Variants in DENND1A observed in about 807,000 individuals in gnomAD.
The protein encoded by DENND1A is DENN domain-containing protein 1A.
In DENND1A, 51 loss-of-function variants were observed where a neutral mutation model predicts 113.7. That is an observed-to-expected ratio of 0.45 (90% CI 0.36 to 0.57). DENND1A has a LOEUF of 0.57. Ranked by LOEUF, DENND1A falls within the 20% of genes least tolerant of loss-of-function variation. The probability of loss-of-function intolerance (pLI) is 0.00; values close to 1 mark genes in which losing one functional copy is unlikely to be tolerated. For missense variants in DENND1A, 1,258 were observed against 1,395.9 expected (o/e 0.90, Z 1.57); for synonymous variants, 565 against 570.8 (o/e 0.99, Z 0.14).
intron 13 of DENND1A, among the ~76,000 whole-genome samples, chr9:123,536,650 G>A (rs1196073457): frequency 6.6e-6 from 1 of 152,066 alleles, no homozygotes; most frequent in Admixed American, 6.5e-5. Flanking sequence ...AATGCTAGGA[G>A]TTCCTAGGAA....
chr9:123,816,170 T>A (rs1015151097), intron 2 of DENND1A, among the ~76,000 whole-genome samples: 3 of 152,008 alleles, frequency 2.0e-5, no homozygotes, highest in Non-Finnish European at 4.4e-5. Context: ...CCAACTAATT[T>A]TTGTATTTTT....
chr9:123,897,710 T>G (rs1196124617), intron 1 of DENND1A, among the ~76,000 whole-genome samples: 1 of 152,120 alleles, frequency 6.6e-6, no homozygotes, highest in East Asian at 1.9e-4. Flanking sequence ...GGCTCACACC[T>G]GTAAACTCAA....
chr9:123,751,287 G>C (rs1489770218), intron 5 of DENND1A: 1 of 152,182 alleles, frequency 6.6e-6, no homozygotes, highest in Non-Finnish European at 1.5e-5. Flanking sequence ...CTTGAGATCA[G>C]AAAGTGCTCC....
At chr9:123,450,928 A>G (rs1246325844) in intron 17 of DENND1A, among the ~76,000 whole-genome samples, 179 bp from the exon 18 acceptor site, 1 of 152,252 alleles carries the variant, frequency 6.6e-6, no homozygotes, top group Admixed American at 6.5e-5. Flanking sequence ...AGGTTAAAAA[A>G]AAACCCTTAA....
At chr9:123,566,301 T>C (rs927653722) in intron 12 of DENND1A, among the ~76,000 whole-genome samples, 4 of 152,260 alleles carry the variant, frequency 2.6e-5, no homozygotes, top group African/African-American at 9.6e-5. Flanking sequence ...TTGACCTCAG[T>C]TGGCTTTAAT....
chr9:123,730,011 G>T (rs1036486384), intron 5 of DENND1A, among the ~76,000 whole-genome samples: 2 of 152,084 alleles, frequency 1.3e-5, no homozygotes, highest in African/African-American at 4.8e-5. Flanking sequence ...AATGGGAAAA[G>T]GATTCCCTAT....
At chr9:123,535,229 C>G (rs562308461) in intron 13 of DENND1A, among the ~76,000 whole-genome samples, 1 of 152,322 alleles carries the variant, frequency 6.6e-6, no homozygotes, top group Non-Finnish European at 1.5e-5. Context: ...TAAGCTGGAT[C>G]ATTCTACCCT....
At chr9:123,564,496 C>T (rs2057939054) in intron 12 of DENND1A, among the ~76,000 whole-genome samples, 1 of 152,266 alleles carries the variant, frequency 6.6e-6, no homozygotes, top group Non-Finnish European at 1.5e-5. Context: ...GCCACCCACA[C>T]TGGGCTCCAG....
At chr9:123,845,325 A>G (rs1842432350) in intron 2 of DENND1A, among the ~76,000 whole-genome samples, 1 of 152,198 alleles carries the variant, frequency 6.6e-6, no homozygotes, top group African/African-American at 2.4e-5. Flanking sequence ...GTTTGAAAGA[A>G]TAAAGTTAGA....
intron 13 of DENND1A, among the ~76,000 whole-genome samples, chr9:123,459,415 TAAAG>T (rs2048369962): frequency 6.6e-6 from 1 of 152,094 alleles, no homozygotes; most frequent in African/African-American, 2.4e-5. Flanking sequence ...TTAAAATAAT[TAAAG>T]AACGGGGATG....
At chr9:123,914,218 T>C (rs1854623853) in intron 1 of DENND1A, among the ~76,000 whole-genome samples, 1 of 151,972 alleles carries the variant, frequency 6.6e-6, no homozygotes, top group African/African-American at 2.4e-5. Context: ...GGTCTGTTCC[T>C]GCCATTGCTA....
intron 19 of DENND1A, among the ~76,000 whole-genome samples, chr9:123,417,564 T>C (rs1202269254): frequency 6.6e-6 from 1 of 152,220 alleles, no homozygotes; most frequent in Non-Finnish European, 1.5e-5. Context: ...TGTGCTATCC[T>C]TGTCAACTAA....
At chr9:123,539,731 A>C (rs1264340215) in intron 13 of DENND1A, among the ~76,000 whole-genome samples, 1 of 152,100 alleles carries the variant, frequency 6.6e-6, no homozygotes, top group Non-Finnish European at 1.5e-5. Context: ...AAAATACAAA[A>C]AATTAGCCGG....
intron 2 of DENND1A, among the ~76,000 whole-genome samples, chr9:123,811,675 C>T (rs886735353): frequency 2.0e-5 from 3 of 152,148 alleles, no homozygotes; most frequent in Non-Finnish European, 2.9e-5. Context: ...AGGAGAACGG[C>T]GTGAACCTGG....
At chr9:123,798,103 A>G (rs566533494) in intron 2 of DENND1A, among the ~76,000 whole-genome samples, 2 of 152,302 alleles carry the variant, frequency 1.3e-5, no homozygotes, top group Non-Finnish European at 2.9e-5. Flanking sequence ...ATTTTTAACC[A>G]TGAGTCTAGT....
At chr9:123,547,387 G>T (rs2135779335) in intron 13 of DENND1A, among the ~76,000 whole-genome samples, 1 of 152,244 alleles carries the variant, frequency 6.6e-6, no homozygotes, top group East Asian at 1.9e-4. Flanking sequence ...AAATTAGCTG[G>T]GCATGGTGGC....
chr9:123,742,634 G>C (rs1400938030), intron 5 of DENND1A, among the ~76,000 whole-genome samples: 1 of 152,144 alleles, frequency 6.6e-6, no homozygotes, highest in Non-Finnish European at 1.5e-5. Context: ...AATTCAGCTG[G>C]ATCACACTGA....
chr9:123,740,900 G>GAT (rs2068959569), intron 5 of DENND1A, among the ~76,000 whole-genome samples: 1 of 4,340 alleles, frequency 2.3e-4, no homozygotes, highest in Admixed American at 4.5e-3. Context: ...AAGGGAAAGT[G>GAT]AGAGAGAGAG....
chr9:123,413,568 C>G, intron 19 of DENND1A: 1 of 985,460 alleles, frequency 1.0e-6, no homozygotes, highest in South Asian at 4.7e-5. Context: ...TGGAACCTGT[C>G]GGGGCAGCCT....
Sources: gnomAD v4.1 joint callset for allele counts (sites outside exome capture counted in the v4.1 genomes callset) on GRCh38, gnomAD v4.1.1 for gene constraint, MANE v1.5 for transcripts, NCBI Gene and HGNC (gene_info 2026-07-23, HGNC 2026-07-21) for gene names.